The following CD9 variants were observed in gnomAD, a reference collection of about 807,000 sequenced individuals.
The protein encoded by CD9 is CD9 antigen.
In CD9, 10 loss-of-function variants were observed where a neutral mutation model predicts 31.4. The observed-to-expected ratio is 0.32, with a 90% CI of 0.20 to 0.54. CD9 has a LOEUF of 0.54. Ranked by LOEUF, CD9 falls within the 20% of genes least tolerant of loss-of-function variation. The pLI is 0.94. For synonymous variants in CD9, 113 were observed against 114.1 expected (o/e 0.99, Z 0.06); for missense variants, 259 against 300.1 (o/e 0.86, Z 1.01).
Position 6,232,984 on chromosome 12 carries a change from C to T in CD9, c.273+255C>T. The T allele has an allele frequency of 1.4e-6, 1 of 702,380 alleles. No homozygotes were observed. The highest frequency in any genetic ancestry group is 2.6e-6 in the Non-Finnish European group (1 of 384,828). 43.5% of individuals were successfully genotyped at this position (702,380 alleles called of 1,614,324 possible). A position where few individuals can be genotyped will look rare whatever the true frequency, so the allele number is the denominator to read the frequency against. On this transcript the variant is annotated intron_variant, in intron 3 of 7. Transcript: ENST00000009180. This position sits in a 1 kb window ranked among gnomAD's most constrained non-coding sequence, Gnocchi z 4.8. The stretch of plus-strand genomic sequence containing the variant: ...CCCCTTTTCTCGAGGACCACGTTTG[C>T]TTTTTTTCCCTGAATCCACAGGTAC...
intron 1 of CD9, among the ~76,000 whole-genome samples, chr12:6,212,368 C>T (rs1294415840): frequency 1.3e-5 from 2 of 152,224 alleles, no homozygotes; most frequent in South Asian, 2.1e-4. Flanking sequence ...TAATTCTAGT[C>T]TCCTCCCTGG....
intron 7 of CD9, 161 bp downstream of exon 7, chr12:6,236,436 A>G: frequency 1.5e-6 from 1 of 654,480 alleles, no homozygotes; most frequent in Non-Finnish European, 2.7e-6. Flanking sequence ...AGAGACAGAG[A>G]GGCCGATGTT....
chr12:6,217,024 G>T (rs892653292), intron 1 of CD9, among the ~76,000 whole-genome samples: 1 of 151,950 alleles, frequency 6.6e-6, no homozygotes, highest in Non-Finnish European at 1.5e-5. Flanking sequence ...GTATCATACT[G>T]TTTTTTTTCC....
At chr12:6,217,242 G>C (rs1006140446) in intron 1 of CD9, among the ~76,000 whole-genome samples, 8 of 152,154 alleles carry the variant, frequency 5.3e-5, no homozygotes, top group African/African-American at 1.9e-4. Flanking sequence ...CCCCAGGTAG[G>C]CTGGGTGCCA....
chr12:6,211,693 T>C (rs1213440610), intron 1 of CD9, among the ~76,000 whole-genome samples: 1 of 152,226 alleles, frequency 6.6e-6, no homozygotes, highest in East Asian at 1.9e-4. Flanking sequence ...TTCTGGAATT[T>C]AAAGCAAAAC....
chr12:6,227,709 G>C (rs867350919), intron 2 of CD9, among the ~76,000 whole-genome samples: 21 of 152,300 alleles, frequency 1.4e-4, no homozygotes, highest in Admixed American at 3.3e-4. Context: ...GCCTAAAAGA[G>C]CTGCTTCTCG....
intron 1 of CD9, among the ~76,000 whole-genome samples, chr12:6,205,229 C>T (rs1013704894): frequency 3.3e-5 from 5 of 152,216 alleles, no homozygotes; most frequent in Admixed American, 6.5e-5. Flanking sequence ...GGCCAGGTAT[C>T]TGCTTCCTTT....
chr12:6,209,788 G>A (rs1565419506), intron 1 of CD9, among the ~76,000 whole-genome samples: 5 of 150,884 alleles, frequency 3.3e-5, no homozygotes, highest in Admixed American at 1.3e-4. Flanking sequence ...GGGTTCAAGC[G>A]ATTCTCATGC....
chr12:6,210,795 A>G (rs1946186051), intron 1 of CD9, among the ~76,000 whole-genome samples: 1 of 151,866 alleles, frequency 6.6e-6, no homozygotes, highest in Admixed American at 6.6e-5. Flanking sequence ...TTCAAGTTCT[A>G]ACTCTGCCAC....
chr12:6,217,540 G>A, intron 1 of CD9, among the ~76,000 whole-genome samples: 1 of 151,872 alleles, frequency 6.6e-6, no homozygotes, highest in African/African-American at 2.4e-5. Context: ...AAAAAAACAA[G>A]TATTTTCCCA....
chr12:6,211,072 G>C (rs1306947470), intron 1 of CD9, among the ~76,000 whole-genome samples: 2 of 152,094 alleles, frequency 1.3e-5, no homozygotes, highest in Non-Finnish European at 2.9e-5. Flanking sequence ...TCCTGACCTT[G>C]TGATCCTCCC....
At chr12:6,222,040 G>GC in intron 1 of CD9, among the ~76,000 whole-genome samples, 1 of 152,208 alleles carries the variant, frequency 6.6e-6, no homozygotes, top group South Asian at 2.1e-4. Flanking sequence ...GGACAGGGGA[G>GC]CCCCTCTATG....
At chr12:6,213,478 C>T (rs1328812542) in intron 1 of CD9, among the ~76,000 whole-genome samples, 1 of 152,210 alleles carries the variant, frequency 6.6e-6, no homozygotes, top group African/African-American at 2.4e-5. Flanking sequence ...GGCAGAGACT[C>T]GCTTTGTGGA....
chr12:6,218,823 T>C (rs4764486), intron 1 of CD9, among the ~76,000 whole-genome samples: 92,296 of 151,670 alleles, frequency 0.61, 29,703 homozygotes, highest in African/African-American at 0.83. Context: ...ACACCATTCA[T>C]TGTGGGCCTG....
chr12:6,217,194 C>G (rs1228151883), intron 1 of CD9, among the ~76,000 whole-genome samples: 3 of 152,030 alleles, frequency 2.0e-5, no homozygotes, highest in Non-Finnish European at 2.9e-5. Flanking sequence ...CACAAAGAGT[C>G]CCCTGGGATT....
chr12:6,212,627 T>G (rs1327535775), intron 1 of CD9, among the ~76,000 whole-genome samples: 1 of 152,212 alleles, frequency 6.6e-6, no homozygotes, highest in East Asian at 1.9e-4. Context: ...AGCATGTGCT[T>G]AGGGCACCAA....
intron 1 of CD9, among the ~76,000 whole-genome samples, chr12:6,219,784 C>T (rs78454660): frequency 6.3e-4 from 96 of 152,272 alleles, no homozygotes; most frequent in African/African-American, 2.3e-3. Context: ...TGCGCCTGGC[C>T]TCTTTGTGGT....
At chr12:6,224,632 T>A (rs1946338396) in intron 1 of CD9, among the ~76,000 whole-genome samples, 1 of 152,120 alleles carries the variant, frequency 6.6e-6, no homozygotes, top group Non-Finnish European at 1.5e-5. Flanking sequence ...GCCCACCCAC[T>A]CCTGCGTCCA....
intron 1 of CD9, among the ~76,000 whole-genome samples, chr12:6,201,304 C>A (rs1473367213): frequency 8.0e-6 from 1 of 124,832 alleles, no homozygotes; most frequent in South Asian, 2.7e-4. Flanking sequence ...CTGGAGAGAA[C>A]TCAGAGTTCG....
Sources: gnomAD v4.1 joint callset for allele counts (sites outside exome capture counted in the v4.1 genomes callset) on GRCh38, gnomAD v4.1.1 for gene constraint, Gnocchi (gnomAD v3.1) non-coding constraint, MANE v1.5 for transcripts, NCBI Gene and HGNC (gene_info 2026-07-23, HGNC 2026-07-21) for gene names.